Variants in S100PBP observed in about 807,000 individuals in gnomAD.
S100PBP encodes the protein S100P binding protein.
Under a neutral mutation model 39.9 loss-of-function variants are expected in S100PBP, and 15 were observed. The ratio of observed to expected loss-of-function variants is 0.38; its 90% CI spans 0.25 to 0.58. The LOEUF is 0.58. Among genes scored for constraint, S100PBP ranks in the 20% least tolerant of loss-of-function variants. The probability of loss-of-function intolerance (pLI) is 0.70; values close to 1 mark genes in which losing one functional copy is unlikely to be tolerated. For missense variants in S100PBP, 504 were observed against 487.3 expected, an observed-to-expected ratio of 1.03 and a Z score of -0.32; for synonymous variants, 178 against 180.3, an observed-to-expected ratio of 0.99 and a Z score of 0.10.
intron 5 of S100PBP, chr1:32,836,640 T>C (rs955659505): frequency 4.4e-6 from 4 of 902,224 alleles, no homozygotes; most frequent in Non-Finnish European, 5.3e-6. Flanking sequence ...TTGGGAGAGC[T>C]TTTTCCTAGA....
intron 5 of S100PBP, among the ~76,000 whole-genome samples, chr1:32,838,238 G>GC (rs1639923056): frequency 6.6e-6 from 1 of 151,312 alleles, no homozygotes; most frequent in African/African-American, 2.4e-5. Flanking sequence ...AGAGGCTGAG[G>GC]CAGGAGAATG....
chr1:32,835,667 T>C (rs1324716149), intron 5 of S100PBP: 1 of 152,190 alleles, frequency 6.6e-6, no homozygotes, highest in Non-Finnish European at 1.5e-5. Flanking sequence ...TATCTTTTTG[T>C]GACTGGCTTA....
intron 5 of S100PBP, among the ~76,000 whole-genome samples, chr1:32,840,360 G>C (rs1451091801): frequency 6.6e-6 from 1 of 151,324 alleles, no homozygotes; most frequent in Non-Finnish European, 1.5e-5. Flanking sequence ...CTGTTTGTTT[G>C]TTTATTTTAT....
intron 4 of S100PBP, among the ~76,000 whole-genome samples, chr1:32,829,195 C>T (rs190217091): frequency 3.4e-3 from 310 of 91,724 alleles, no homozygotes; most frequent in Non-Finnish European, 6.0e-3. Flanking sequence ...TCTCAATATT[C>T]TCATCCACTG....
intron 5 of S100PBP, among the ~76,000 whole-genome samples, chr1:32,850,780 T>C (rs1287339862): frequency 6.6e-6 from 1 of 152,234 alleles, no homozygotes; most frequent in Non-Finnish European, 1.5e-5. Flanking sequence ...TTTAATGAAA[T>C]CTATAAATTT....
chr1:32,822,997 G>T (rs1639155295), intron 1 of S100PBP, among the ~76,000 whole-genome samples: 1 of 151,804 alleles, frequency 6.6e-6, no homozygotes, highest in Admixed American at 6.6e-5. Flanking sequence ...CCAATCCTGT[G>T]CAAGTCTGTC....
chr1:32,849,151 C>CT (rs55906923), intron 5 of S100PBP, among the ~76,000 whole-genome samples: 11,696 of 146,064 alleles, frequency 0.08, 634 homozygotes, highest in Admixed American at 0.16. Context: ...CTTTTTTTTT[C>CT]TTTTTTTTTT....
chr1:32,835,710 C>A (rs902693736), intron 5 of S100PBP: 1 of 152,028 alleles, frequency 6.6e-6, no homozygotes. Context: ...AAGATTTACC[C>A]ATTGTGGCAT....
chr1:32,816,810 T>C (rs1021430462), upstream of S100PBP: 1 of 347,076 alleles, frequency 2.9e-6, no homozygotes, highest in South Asian at 3.4e-5. Context: ...CTTCCAGTAC[T>C]TACTTGAACC....
At chr1:32,839,657 C>T (rs1353035345) in intron 5 of S100PBP, among the ~76,000 whole-genome samples, 2 of 152,226 alleles carry the variant, frequency 1.3e-5, no homozygotes, top group South Asian at 2.1e-4. Context: ...ACTACAGGTG[C>T]ACACCACCAT....
intron 3 of S100PBP, 60 bp downstream of exon 3, chr1:32,826,990 G>A: frequency 8.2e-7 from 1 of 1,226,800 alleles, no homozygotes; most frequent in Non-Finnish European, 1.1e-6. Flanking sequence ...CAGATGTATA[G>A]CAGAGTTTCC....
At chr1:32,849,595 A>G (rs1182027885) in intron 5 of S100PBP, among the ~76,000 whole-genome samples, 1 of 152,228 alleles carries the variant, frequency 6.6e-6, no homozygotes, top group African/African-American at 2.4e-5. Flanking sequence ...TATTCATAAT[A>G]AGAGTTAGGC....
In S100PBP at chr1:32,857,421, CTG is replaced by C. The variant is rs1640860447; in HGVS notation, c.*1385_*1386del. ...CGCCTCCTGGGTTCAAGGGATTCTC[CTG>C]TCTTAGCCTCCTGAGTAGCTGTGAT... On this transcript the variant is annotated 3_prime_UTR_variant, in exon 7 of 7. Transcript: ENST00000373475. The C allele has an allele frequency of 6.6e-6, 1 of 152,158 alleles. No individual in the cohort carries two copies. The highest frequency in any genetic ancestry group is 6.6e-5 in the Admixed American group (1 of 15,266). The allele number at this position is 152,158 out of a possible 1,614,324, so 9.4% of individuals were successfully genotyped here.
upstream of S100PBP, chr1:32,817,467 G>C: frequency 1.6e-6 from 1 of 618,280 alleles, no homozygotes; most frequent in Non-Finnish European, 2.9e-6. Context: ...GGTGGAGCCA[G>C]TGGGCACGGT....
At position 32,857,624 on chromosome 1, in the gene S100PBP, T is replaced by C. The variant is rs1299903730; in HGVS notation, c.*1586T>C. On this transcript the variant is annotated 3_prime_UTR_variant, in exon 7 of 7. Transcript: ENST00000373475. ...CTGCACCTGGCCGGTTATTCTCTCT[T>C]TACAGATAGCTATAGACATCATTTT... is the stretch of plus-strand genomic sequence containing the variant. The C allele has an allele frequency of 3.9e-5, 6 of 152,318 alleles. No homozygotes were observed. Among genetic ancestry groups the C allele is most frequent in the Non-Finnish European group, 7.3e-5 (5 of 68,110 alleles). 9.4% of individuals were successfully genotyped at this position (152,318 alleles called of 1,614,324 possible).
At chr1:32,841,085 C>T (rs1404734570) in intron 5 of S100PBP, among the ~76,000 whole-genome samples, 5 of 150,904 alleles carry the variant, frequency 3.3e-5, no homozygotes, top group East Asian at 2.0e-4. Context: ...GGCGTGAACC[C>T]GGGAGACGGA....
At chr1:32,848,221 T>C (rs769716665) in intron 5 of S100PBP, among the ~76,000 whole-genome samples, 2 of 152,036 alleles carry the variant, frequency 1.3e-5, no homozygotes, top group Non-Finnish European at 2.9e-5. Flanking sequence ...GCAGGAGAAT[T>C]GCTTGAAACC....
At chr1:32,853,369 G>C (rs1640696228) in intron 6 of S100PBP, among the ~76,000 whole-genome samples, 1 of 151,834 alleles carries the variant, frequency 6.6e-6, no homozygotes, top group Admixed American at 6.6e-5. Context: ...AGCCTCAGGA[G>C]GCTGAGGCAG....
chr1:32,823,425 A>G (rs1276702857), intron 1 of S100PBP, among the ~76,000 whole-genome samples: 1 of 152,226 alleles, frequency 6.6e-6, no homozygotes, highest in East Asian at 1.9e-4. Context: ...AACTCTCAAC[A>G]ATTGCTGGAA....
Sources: allele counts gnomAD v4.1 joint callset (sites outside exome capture counted in the v4.1 genomes callset), GRCh38; gene constraint gnomAD v4.1.1; transcripts MANE v1.5; gene names NCBI Gene and HGNC (gene_info 2026-07-23, HGNC 2026-07-21).